Variants in XYLT1 observed in about 807,000 individuals in gnomAD.
XYLT1 encodes the protein beta-D-xylosyltransferase 1.
A neutral mutation model predicts 91.3 loss-of-function variants in XYLT1; 36 were observed. The observed-to-expected ratio is 0.39, with a 90% confidence interval of 0.30 to 0.52. XYLT1 has a LOEUF of 0.52. XYLT1 is among the 20% of genes least tolerant of loss of function. XYLT1 has a pLI of 0.68. For missense variants in XYLT1, 1,242 were observed against 1,284.5 expected (o/e 0.97, Z 0.51); for synonymous variants, 588 against 532.0 (o/e 1.11, Z -1.45).
chr16:17,199,736 G>A (rs2141588569), intron 4 of XYLT1, among the ~76,000 whole-genome samples: 1 of 152,146 alleles, frequency 6.6e-6, no homozygotes, highest in Non-Finnish European at 1.5e-5. Flanking sequence ...CTTGCTTTTT[G>A]CCTTCCACCA....
chr16:17,414,984 G>A (rs1044354177), intron 1 of XYLT1, among the ~76,000 whole-genome samples: 3 of 152,076 alleles, frequency 2.0e-5, no homozygotes, highest in African/African-American at 7.2e-5. Context: ...AGAGAAAAAC[G>A]ATCACACCCT....
At chr16:17,432,190 G>T (rs2036400641) in intron 1 of XYLT1, among the ~76,000 whole-genome samples, 1 of 152,190 alleles carries the variant, frequency 6.6e-6, no homozygotes, top group South Asian at 2.1e-4. Flanking sequence ...ATATAAATTT[G>T]CCATGTGACC....
chr16:17,368,337 G>T (rs986091907), intron 1 of XYLT1, among the ~76,000 whole-genome samples: 11 of 152,100 alleles, frequency 7.2e-5, no homozygotes, highest in African/African-American at 2.7e-4. Context: ...GCAGGGGAGG[G>T]ACTCTGCCTG....
chr16:17,253,491 GAGGTTCTGATTTTT>G (rs1488865991), intron 3 of XYLT1, among the ~76,000 whole-genome samples: 1 of 152,150 alleles, frequency 6.6e-6, no homozygotes, highest in Non-Finnish European at 1.5e-5. Flanking sequence ...CTAAGATGCT[GAGGTTCTGATTTTT>G]TTGAACAACT....
intron 2 of XYLT1, among the ~76,000 whole-genome samples, chr16:17,292,625 G>T (rs999477778): frequency 1.3e-5 from 2 of 152,208 alleles, no homozygotes; most frequent in East Asian, 3.9e-4. Flanking sequence ...GGCGATGAAG[G>T]AGAAGTTTAA....
chr16:17,320,823 T>A (rs2034707620), intron 2 of XYLT1, among the ~76,000 whole-genome samples: 2 of 151,226 alleles, frequency 1.3e-5, no homozygotes, highest in Non-Finnish European at 2.9e-5. Context: ...TAGGTTTTCT[T>A]ACCACGGAAA....
intron 2 of XYLT1, among the ~76,000 whole-genome samples, chr16:17,323,248 C>G (rs74918889): frequency 1.3e-5 from 2 of 152,216 alleles, no homozygotes; most frequent in African/African-American, 2.4e-5. Context: ...TGGGGCAGTA[C>G]GTAGAGGACA....
chr16:17,194,886 A>G (rs1303469672), intron 5 of XYLT1, among the ~76,000 whole-genome samples: 3 of 152,210 alleles, frequency 2.0e-5, no homozygotes, highest in Non-Finnish European at 4.4e-5. Flanking sequence ...ATTTTGGGAC[A>G]TTTCCAAACT....
At chr16:17,113,315 G>C (rs937424806) in intron 11 of XYLT1, among the ~76,000 whole-genome samples, 2 of 151,548 alleles carry the variant, frequency 1.3e-5, no homozygotes, top group Admixed American at 6.6e-5. Context: ...CTAATTTTTT[G>C]TACTTTTAGG....
chr16:17,429,779 T>A (rs1016485351), intron 1 of XYLT1, among the ~76,000 whole-genome samples: 9 of 152,106 alleles, frequency 5.9e-5, no homozygotes, highest in Non-Finnish European at 8.8e-5. Context: ...CTTCTCCAGC[T>A]CAGACCGGGA....
intron 1 of XYLT1, among the ~76,000 whole-genome samples, chr16:17,466,028 C>A (rs906997612): frequency 1.3e-5 from 2 of 152,196 alleles, no homozygotes; most frequent in Non-Finnish European, 2.9e-5. Flanking sequence ...GGTGCCGGGG[C>A]CTCGCACATA....
chr16:17,231,204 A>G (rs1005640777), intron 3 of XYLT1, among the ~76,000 whole-genome samples: 4 of 152,226 alleles, frequency 2.6e-5, no homozygotes, highest in African/African-American at 9.6e-5. Flanking sequence ...TTAATCCACC[A>G]TTTCCTAATG....
At chr16:17,109,719 A>G (rs1001102909) in intron 11 of XYLT1, among the ~76,000 whole-genome samples, 1 of 152,166 alleles carries the variant, frequency 6.6e-6, no homozygotes, top group African/African-American at 2.4e-5. Context: ...GACAGACTGT[A>G]TTTTACCCAA....
intron 2 of XYLT1, among the ~76,000 whole-genome samples, chr16:17,271,387 C>CACAGAGAGAAAGAT (rs1163120260): frequency 2.6e-5 from 4 of 151,284 alleles, no homozygotes; most frequent in Non-Finnish European, 4.4e-5. Context: ...AAGAGAGAGA[C>CACAGAGAGAAAGAT]ACAGAGAGAA....
Position 17,108,540 on chromosome 16 carries a change from G to A in XYLT1, c.*155C>T. The A allele has an allele frequency of 1.3e-6, 1 of 760,228 alleles. No individual in the cohort carries two copies. Among genetic ancestry groups the A allele is most frequent in the South Asian group, 2.4e-5 (1 of 41,962 alleles). 47.1% of individuals were successfully genotyped at this position (760,228 alleles called of 1,614,324 possible). On this transcript the variant is annotated 3_prime_UTR_variant, in exon 12 of 12. Transcript: ENST00000261381. ...GCAGGTTGTTGGCTGATCCTGCTTTGACCTGCTGACCTTCCCTTTCCATCA... is the reference window on the plus strand; with the variant it reads ...GCAGGTTGTTGGCTGATCCTGCTTTAACCTGCTGACCTTCCCTTTCCATCA...
At chr16:17,327,606 GCCCCCCCCCCCCC>G (rs59482549) in intron 2 of XYLT1, among the ~76,000 whole-genome samples, 27 of 2,108 alleles carry the variant, frequency 0.013, 3 homozygotes, top group Non-Finnish European at 0.037. Flanking sequence ...TCGTGATCCC[GCCCCCCCCCCCCC>G]CCCCCCCCCG....
At chr16:17,431,883 G>A (rs1178184687) in intron 1 of XYLT1, among the ~76,000 whole-genome samples, 2 of 152,250 alleles carry the variant, frequency 1.3e-5, no homozygotes. Flanking sequence ...GGGAGAAGCA[G>A]CCATGGCTGC....
intron 1 of XYLT1, among the ~76,000 whole-genome samples, chr16:17,439,368 G>C (rs888408834): frequency 3.3e-5 from 5 of 152,128 alleles, no homozygotes; most frequent in African/African-American, 9.7e-5. Flanking sequence ...TCAGAAACCA[G>C]ATAAAACCAG....
rs146229312 is a variant in XYLT1, at chr16:17,300,835, C to T, written c.403-41337G>A. ...ACAATCGATGAGCTAGATAGGTAAGCGACAAAAGCAAGACACAAAATAACA... is the reference window on the plus strand; with the variant it reads ...ACAATCGATGAGCTAGATAGGTAAGTGACAAAAGCAAGACACAAAATAACA... On this transcript the variant is annotated intron_variant, in intron 2 of 11. Transcript: ENST00000261381. 3.6e-3 allele frequency among the ~76,000 whole-genome samples: 550 copies of T among 152,094 alleles called. 5 individuals are homozygous for T. Among genetic ancestry groups the T allele is most frequent in the African/African-American group, 0.013 (531 of 41,490 alleles).
Sources: allele counts gnomAD v4.1 joint callset (sites outside exome capture counted in the v4.1 genomes callset), GRCh38; gene constraint gnomAD v4.1.1; transcripts MANE v1.5; gene names NCBI Gene and HGNC (gene_info 2026-07-23, HGNC 2026-07-21).